Variants in RAP1GAP2 observed in about 807,000 individuals in gnomAD.
The protein encoded by RAP1GAP2 is RAP1 GTPase activating protein 2.
Under a neutral mutation model 95.0 loss-of-function variants are expected in RAP1GAP2, and 27 were observed. The ratio of observed to expected loss-of-function variants is 0.28; its 90% CI spans 0.21 to 0.39. The LOEUF (loss-of-function observed/expected upper bound fraction) is 0.39, where lower values mean the gene tolerates loss of function less well. Ranked by LOEUF, RAP1GAP2 falls within the 10% of genes least tolerant of loss-of-function variation. The probability of loss-of-function intolerance (pLI) is 1.00; values close to 1 mark genes in which losing one functional copy is unlikely to be tolerated. For missense variants in RAP1GAP2, 771 were observed against 970.0 expected (o/e 0.79, Z 2.72); for synonymous variants, 373 against 380.9 (o/e 0.98, Z 0.24).
intron 3 of RAP1GAP2, among the ~76,000 whole-genome samples, chr17:2,932,364 T>G (rs1453446978): frequency 6.6e-6 from 1 of 151,170 alleles, no homozygotes; most frequent in Non-Finnish European, 1.5e-5. Flanking sequence ...GCAGCCCCAG[T>G]GGAGGAGGAG....
chr17:2,798,837 C>A (rs1222634175), intron 1 of RAP1GAP2, among the ~76,000 whole-genome samples: 2 of 152,208 alleles, frequency 1.3e-5, no homozygotes, highest in Non-Finnish European at 2.9e-5. Flanking sequence ...TGGTTTGAAC[C>A]AGGGCTGCTG....
At position 2,861,465 on chromosome 17, in the gene RAP1GAP2, T is replaced by C. The variant is rs548815282; in HGVS notation, c.81-43819T>C. On this transcript the variant is annotated intron_variant, in intron 2 of 24. Coordinates refer to ENST00000254695, the MANE Select transcript of RAP1GAP2 (RefSeq NM_015085.5). ...CTAAGTAGAACGTGCCCATTGCCTG[T>C]TTCTCTGGGGTCTTTTTTTTTTTTT... Among the ~76,000 whole-genome samples, 15 of 150,604 alleles carry C rather than the reference T, an allele frequency of 1.0e-4. No homozygotes were observed. The Admixed American group carries it at 1.0e-3, about 10-fold the overall frequency.
chr17:3,022,207 T>C (rs750336884), intron 19 of RAP1GAP2, among the ~76,000 whole-genome samples: 3 of 152,250 alleles, frequency 2.0e-5, no homozygotes, highest in African/African-American at 4.8e-5. Context: ...GATAGCTTAT[T>C]GTGGTTCCCG....
At position 2,954,569 on chromosome 17, in the gene RAP1GAP2, CTTATTTAT is replaced by C. The variant is rs142139752; in HGVS notation, c.166-3167_166-3160del. On this transcript the variant is annotated intron_variant, in intron 3 of 24. Transcript: ENST00000254695. ...CATCCATTTGGTTCACATATCAGTA[CTTATTTAT>C]TTATTTATTTATTTATTTATTTTAC... Among the ~76,000 whole-genome samples the C allele has an allele frequency of 3.8e-3, 579 of 150,798 alleles. 6 individuals carry two copies. The highest frequency in any genetic ancestry group is 0.014 in the African/African-American group (555 of 40,912).
chr17:2,982,956 C>T (rs972712693), intron 10 of RAP1GAP2, among the ~76,000 whole-genome samples: 78 of 152,322 alleles, frequency 5.1e-4, no homozygotes, highest in Non-Finnish European at 1.8e-4. Flanking sequence ...GTTCTTTGGA[C>T]GTTCTCCATG....
chr17:2,876,973 C>A (rs1229193646), intron 2 of RAP1GAP2, among the ~76,000 whole-genome samples: 1 of 151,036 alleles, frequency 6.6e-6, no homozygotes, highest in Non-Finnish European at 1.5e-5. Context: ...ACCGCAACCT[C>A]CACCTCCCGG....
At chr17:2,917,314 A>G (rs1301882459) in intron 3 of RAP1GAP2, among the ~76,000 whole-genome samples, 1 of 151,446 alleles carries the variant, frequency 6.6e-6, no homozygotes, top group South Asian at 2.1e-4. Context: ...CTTGTTGCCC[A>G]GGCTGGAGGG....
intron 13 of RAP1GAP2, among the ~76,000 whole-genome samples, chr17:2,997,815 C>T (rs777491398): frequency 4.6e-5 from 7 of 150,578 alleles, no homozygotes; most frequent in East Asian, 2.0e-4. Flanking sequence ...CCCAGCTACT[C>T]GGGAGGCTAA....
At chr17:2,952,295 A>G (rs536454229) in intron 3 of RAP1GAP2, among the ~76,000 whole-genome samples, 5 of 152,136 alleles carry the variant, frequency 3.3e-5, no homozygotes, top group Non-Finnish European at 7.4e-5. Context: ...ATGAGCACAG[A>G]CCTCCTCTTG....
rs1026718901 is a variant in RAP1GAP2, at chr17:3,004,071, C to T, written c.1201-1298C>T. On this transcript the variant is annotated intron_variant, in intron 14 of 24. Coordinates refer to ENST00000254695, the MANE Select transcript of RAP1GAP2 (RefSeq NM_015085.5). The surrounding 1 kb of genome is among the most constrained non-coding windows in gnomAD (Gnocchi z 4.1). ...CTCTGGCCTCTGTCCCAGGTGCCCA[C>T]GGTCTGCAGTCTCCCCATAGCCTTC... Among the ~76,000 whole-genome samples the T allele has an allele frequency of 3.3e-5, 5 of 152,226 alleles. No individual in the cohort carries two copies. The highest frequency in any genetic ancestry group is 2.1e-4 in the South Asian group (1 of 4,834).
chr17:2,758,243 T>C (rs1380928866), intron 1 of RAP1GAP2, among the ~76,000 whole-genome samples: 1 of 143,560 alleles, frequency 7.0e-6, no homozygotes, highest in South Asian at 2.4e-4. Flanking sequence ...TGGTGTGATC[T>C]TGGCTTACTG....
chr17:2,895,300 T>A (rs9916440), intron 2 of RAP1GAP2, among the ~76,000 whole-genome samples: 137,973 of 152,098 alleles, frequency 0.91, 62,755 homozygotes, highest in African/African-American at 0.95. Flanking sequence ...GGCCATGGGA[T>A]CTCCTCCCCA....
At chr17:2,961,285 C>T (rs1260251338) in intron 4 of RAP1GAP2, among the ~76,000 whole-genome samples, 1 of 151,664 alleles carries the variant, frequency 6.6e-6, no homozygotes, top group Non-Finnish European at 1.5e-5. Flanking sequence ...GAAGCCAAGG[C>T]GGGTGGATCA....
At chr17:2,810,205 G>A (rs1248272234) in intron 2 of RAP1GAP2, among the ~76,000 whole-genome samples, 1 of 152,038 alleles carries the variant, frequency 6.6e-6, no homozygotes, top group Non-Finnish European at 1.5e-5. Flanking sequence ...GGACCACCCC[G>A]GCCTTCCCTC....
chr17:2,927,186 C>G (rs1457408606), intron 3 of RAP1GAP2, among the ~76,000 whole-genome samples: 2 of 151,078 alleles, frequency 1.3e-5, no homozygotes, highest in Non-Finnish European at 3.0e-5. Flanking sequence ...CAGAATCTCG[C>G]TCTGTCACCC....
intron 1 of RAP1GAP2, among the ~76,000 whole-genome samples, chr17:2,765,062 C>T (rs531053543): frequency 6.6e-6 from 1 of 152,278 alleles, no homozygotes; most frequent in South Asian, 2.1e-4. Context: ...GGATGGGCTC[C>T]TGGAGGAGCC....
intron 2 of RAP1GAP2, chr17:2,854,198 T>C (rs2151602074): frequency 1.0e-6 from 1 of 968,180 alleles, no homozygotes; most frequent in East Asian, 1.1e-4. Flanking sequence ...TGGTTCCGTG[T>C]TGGTTAGAAA....
chr17:2,832,742 C>T (rs1259717987), intron 2 of RAP1GAP2, among the ~76,000 whole-genome samples: 2 of 151,528 alleles, frequency 1.3e-5, no homozygotes, highest in African/African-American at 2.4e-5. Context: ...TTTGGGAGGC[C>T]GAGGCGGGCG....
intron 19 of RAP1GAP2, among the ~76,000 whole-genome samples, chr17:3,022,703 G>A (rs949682168): frequency 2.0e-5 from 3 of 152,136 alleles, no homozygotes; most frequent in African/African-American, 7.2e-5. Flanking sequence ...TTGGTTGATT[G>A]TTTCCTTTGG....
Sources: allele counts gnomAD v4.1 joint callset (sites outside exome capture counted in the v4.1 genomes callset), GRCh38; gene constraint gnomAD v4.1.1; non-coding constraint Gnocchi (gnomAD v3.1); transcripts MANE v1.5; gene names NCBI Gene and HGNC (gene_info 2026-07-23, HGNC 2026-07-21).